Variants in SETBP1 observed in about 807,000 individuals in gnomAD.
The protein encoded by SETBP1 is SET binding protein 1.
A neutral mutation model predicts 101.0 loss-of-function variants in SETBP1; 9 were observed. That is an observed-to-expected ratio of 0.09 (90% CI 0.05 to 0.16). The LOEUF (loss-of-function observed/expected upper bound fraction) is 0.16, where lower values mean the gene tolerates loss of function less well. SETBP1 is among the 10% of genes least tolerant of loss of function. SETBP1 has a pLI of 1.00. For missense variants in SETBP1, 1,858 were observed against 2,033.8 expected (o/e 0.91, Z 1.66); for synonymous variants, 818 against 788.5 (o/e 1.04, Z -0.63).
intron 4 of SETBP1, among the ~76,000 whole-genome samples, chr18:45,010,784 G>A (rs745538222): frequency 1.4e-4 from 22 of 152,034 alleles, no homozygotes; most frequent in Non-Finnish European, 2.1e-4. Flanking sequence ...CATTCCTTAC[G>A]ACAACTCTGT....
intron 2 of SETBP1, among the ~76,000 whole-genome samples, chr18:44,786,310 C>A (rs1424191258): frequency 6.6e-6 from 1 of 152,170 alleles, no homozygotes; most frequent in Admixed American, 6.5e-5. Flanking sequence ...GACACACACA[C>A]CCCAGGCTTT....
intron 4 of SETBP1, among the ~76,000 whole-genome samples, chr18:45,025,249 G>A (rs1054930640): frequency 2.0e-5 from 3 of 152,118 alleles, no homozygotes; most frequent in Admixed American, 6.5e-5. Flanking sequence ...TCTGATGGTG[G>A]ACTTTGGCTT....
chr18:44,832,364 C>A (rs1568169747), intron 2 of SETBP1, among the ~76,000 whole-genome samples: 1 of 152,314 alleles, frequency 6.6e-6, no homozygotes, highest in East Asian at 1.9e-4. Flanking sequence ...ACTCTGAAGA[C>A]CTGGCAGAGC....
intron 2 of SETBP1, among the ~76,000 whole-genome samples, chr18:44,867,669 C>G (rs945256217): frequency 2.6e-5 from 4 of 152,064 alleles, no homozygotes; most frequent in African/African-American, 9.7e-5. Flanking sequence ...AGCTCTCCAC[C>G]AGGGTGGTGC....
chr18:44,706,441 C>A (rs1476144383), intron 2 of SETBP1, among the ~76,000 whole-genome samples: 4 of 151,308 alleles, frequency 2.6e-5, no homozygotes, highest in African/African-American at 4.9e-5. Context: ...CAAAAATTAG[C>A]CAGGCATGGG....
intron 2 of SETBP1, among the ~76,000 whole-genome samples, chr18:44,834,021 G>A (rs2144480460): frequency 1.3e-5 from 2 of 152,336 alleles, no homozygotes; most frequent in South Asian, 4.1e-4. Flanking sequence ...AAGGTTTGTG[G>A]AAGGGGGAAG....
chr18:44,819,014 A>G (rs910393473), intron 2 of SETBP1, among the ~76,000 whole-genome samples: 7 of 151,852 alleles, frequency 4.6e-5, no homozygotes, highest in African/African-American at 1.7e-4. Flanking sequence ...GTGTGTATAC[A>G]CACACATTTA....
chr18:44,842,149 G>C (rs1213853097), intron 2 of SETBP1, among the ~76,000 whole-genome samples: 1 of 152,200 alleles, frequency 6.6e-6, no homozygotes, highest in South Asian at 2.1e-4. Context: ...GAGTGTCCAG[G>C]AGGGACTGAG....
intron 4 of SETBP1, among the ~76,000 whole-genome samples, chr18:44,979,111 A>T (rs1388810163): frequency 6.6e-6 from 1 of 152,160 alleles, no homozygotes; most frequent in Non-Finnish European, 1.5e-5. Flanking sequence ...GAGCCCAGGG[A>T]GGCTTTTCCT....
chr18:44,739,354 G>T (rs1183572515), intron 2 of SETBP1, among the ~76,000 whole-genome samples: 1 of 152,050 alleles, frequency 6.6e-6, no homozygotes, highest in Non-Finnish European at 1.5e-5. Flanking sequence ...TAATAACTTG[G>T]ATTAATAAAA....
chr18:44,902,228 C>G (rs982029821), intron 3 of SETBP1, among the ~76,000 whole-genome samples: 3 of 41,916 alleles, frequency 7.2e-5, no homozygotes, highest in Non-Finnish European at 1.5e-4. Context: ...ATATATCTCT[C>G]TCTTTCTCTC....
intron 4 of SETBP1, among the ~76,000 whole-genome samples, chr18:44,967,865 C>A (rs1010596663): frequency 1.3e-5 from 2 of 152,202 alleles, no homozygotes; most frequent in African/African-American, 4.8e-5. Flanking sequence ...CACCTTCTGG[C>A]TTTGCACATG....
chr18:44,963,101 A>T (rs1292294414), intron 4 of SETBP1, among the ~76,000 whole-genome samples: 1 of 152,148 alleles, frequency 6.6e-6, no homozygotes, highest in Non-Finnish European at 1.5e-5. Context: ...GTTCAGAAAA[A>T]GTGCTAGATC....
intron 3 of SETBP1, among the ~76,000 whole-genome samples, chr18:44,899,908 T>C (rs1260306746): frequency 6.6e-6 from 1 of 152,202 alleles, no homozygotes; most frequent in Non-Finnish European, 1.5e-5. Flanking sequence ...TGGCCAACTT[T>C]TTCTATAATA....
At chr18:44,802,726 G>T (rs2071632433) in intron 2 of SETBP1, among the ~76,000 whole-genome samples, 1 of 152,102 alleles carries the variant, frequency 6.6e-6, no homozygotes, top group Admixed American at 6.6e-5. Flanking sequence ...GCCATATCCA[G>T]AACGATGACT....
At chr18:44,851,554 A>G (rs188800968) in intron 2 of SETBP1, among the ~76,000 whole-genome samples, 53 of 152,310 alleles carry the variant, frequency 3.5e-4, no homozygotes, top group Middle Eastern at 3.4e-3. Context: ...TCTCTGTACC[A>G]GCTGTGCATC....
intron 4 of SETBP1, chr18:44,986,322 C>T (rs11082417): frequency 0.18 from 27,102 of 152,112 alleles, 2,616 homozygotes; most frequent in Non-Finnish European, 0.22. Context: ...TTATTGTGAA[C>T]GGAGATTATA....
intron 2 of SETBP1, among the ~76,000 whole-genome samples, chr18:44,796,245 C>T (rs902970895): frequency 2.0e-5 from 3 of 152,150 alleles, no homozygotes; most frequent in African/African-American, 7.2e-5. Flanking sequence ...TATTGAATTT[C>T]CCTTAGGATT....
At chr18:44,773,196 T>C (rs1259750929) in intron 2 of SETBP1, among the ~76,000 whole-genome samples, 1 of 152,204 alleles carries the variant, frequency 6.6e-6, no homozygotes, top group Admixed American at 6.5e-5. Flanking sequence ...AGAGGAAGCA[T>C]AGCATATACA....
Sources: gnomAD v4.1 joint callset for allele counts (sites outside exome capture counted in the v4.1 genomes callset) on GRCh38, gnomAD v4.1.1 for gene constraint, MANE v1.5 for transcripts, NCBI Gene and HGNC (gene_info 2026-07-23, HGNC 2026-07-21) for gene names.